The following NSD1 variants were observed in gnomAD, a reference collection of about 807,000 sequenced individuals.
NSD1 encodes the protein nuclear receptor binding SET domain protein 1.
Under a neutral mutation model 242.7 loss-of-function variants are expected in NSD1, and 26 were observed. The observed-to-expected ratio is 0.11, with a 90% CI of 0.08 to 0.15. NSD1 has a LOEUF of 0.15. Among genes scored for constraint, NSD1 ranks in the 10% least tolerant of loss-of-function variants. The pLI is 1.00. For missense variants in NSD1, 2,495 were observed against 3,272.8 expected (o/e 0.76, Z 5.80); for synonymous variants, 1,106 against 1,178.1 (o/e 0.94, Z 1.25).
chr5:177,217,432 G>C (rs1429373698), intron 5 of NSD1, among the ~76,000 whole-genome samples: 1 of 152,090 alleles, frequency 6.6e-6, no homozygotes, highest in East Asian at 1.9e-4. Context: ...TCTGCAAAGA[G>C]ATAATTTGGC....
Position 177,151,805 on chromosome 5 carries a change from C to T in NSD1, c.927+15775C>T, listed in dbSNP as rs529233490. On this transcript the variant is annotated intron_variant, in intron 2 of 22. Coordinates refer to ENST00000439151, the MANE Select transcript of NSD1 (RefSeq NM_022455.5). ...CTCCCAGTCTCAAGCAATACCCCCA[C>T]CTCTGCCCCTTTGAGTAGGCTGGGA... Among the ~76,000 whole-genome samples the T allele has an allele frequency of 2.7e-3, 405 of 152,130 alleles. 2 individuals are homozygous for T. The highest frequency in any genetic ancestry group is 9.8e-3 in the South Asian group (47 of 4,812).
chr5:177,162,249 G>T (rs1278036476), intron 2 of NSD1, among the ~76,000 whole-genome samples: 2 of 151,302 alleles, frequency 1.3e-5, no homozygotes, highest in Non-Finnish European at 2.9e-5. Context: ...AGTGAGCTGA[G>T]ATCAGGACAC....
At chr5:177,280,185 G>A (rs542701257) in intron 17 of NSD1, among the ~76,000 whole-genome samples, 9 of 150,872 alleles carry the variant, frequency 6.0e-5, no homozygotes, top group Non-Finnish European at 1.2e-4. Context: ...CACCGTGTTA[G>A]CCAGGATGGT....
intron 2 of NSD1, among the ~76,000 whole-genome samples, chr5:177,190,335 A>G (rs1761562305): frequency 6.6e-6 from 1 of 152,136 alleles, no homozygotes; most frequent in African/African-American, 2.4e-5. Context: ...GCCGGCGTGC[A>G]GTGGCGCAAT....
At chr5:177,241,604 G>A (rs946969283) in intron 8 of NSD1, among the ~76,000 whole-genome samples, 2 of 151,860 alleles carry the variant, frequency 1.3e-5, no homozygotes, top group Non-Finnish European at 1.5e-5. Context: ...ATAACTCTTC[G>A]TCACGGTTGA....
intron 5 of NSD1, among the ~76,000 whole-genome samples, chr5:177,225,465 A>G (rs1764565351): frequency 6.6e-6 from 1 of 152,118 alleles, no homozygotes. Context: ...TTCTGCTTTC[A>G]GAGTATACTG....
chr5:177,204,005 G>C, intron 3 of NSD1, 115 bp from the exon 4 acceptor site: 1 of 982,674 alleles, frequency 1.0e-6, no homozygotes, highest in Non-Finnish European at 1.6e-6. Flanking sequence ...TAGTTCAGTG[G>C]GCATGTTAGT....
At chr5:177,147,903 T>G (rs1200471579) in intron 2 of NSD1, among the ~76,000 whole-genome samples, 1 of 152,028 alleles carries the variant, frequency 6.6e-6, no homozygotes, top group Admixed American at 6.6e-5. Flanking sequence ...GTTTTTTCCT[T>G]TTTATCACTA....
chr5:177,184,248 A>G (rs918151628), intron 2 of NSD1, among the ~76,000 whole-genome samples: 1 of 152,192 alleles, frequency 6.6e-6, no homozygotes, highest in Non-Finnish European at 1.5e-5. Context: ...TCCTACCAAC[A>G]ACGTATGAGG....
chr5:177,149,592 AAC>A (rs1457344714), intron 2 of NSD1, among the ~76,000 whole-genome samples: 2 of 152,128 alleles, frequency 1.3e-5, no homozygotes, highest in Non-Finnish European at 2.9e-5. Context: ...ATTCCTGGGA[AAC>A]AGTTTTTCCA....
chr5:177,251,790 C>G lies in NSD1; in HGVS notation c.4702C>G (p.Leu1568Val). Residue 1568 changes from leucine (L) to valine (V), a missense_variant, in exon 12 of 23, where the codon CTG becomes GTG. This residue lies in a region of NSD1 where 27 missense variants were observed against 43.1 expected (regional missense o/e 0.63). Coordinates refer to ENST00000439151, the MANE Select transcript of NSD1 (RefSeq NM_022455.5). ...GGCTCAGTGCTGTGGGGCTTTCCAC[C>G]TGGAGTGCCTTGGATTGACTGAGAT... ...CEAQCCGAFH[L>V]ECLGLTEMPR... is the part of the protein sequence containing the mutation. The G allele has an allele frequency of 6.2e-7, 1 of 1,614,056 alleles. No individual in the cohort carries two copies. The highest frequency in any genetic ancestry group is 2.2e-5 in the East Asian group (1 of 44,878).
At chr5:177,216,195 A>C (rs1763758803) in intron 5 of NSD1, among the ~76,000 whole-genome samples, 1 of 152,220 alleles carries the variant, frequency 6.6e-6, no homozygotes, top group Non-Finnish European at 1.5e-5. Context: ...TTATTTTTAA[A>C]AAATGAGGTA....
intron 5 of NSD1, among the ~76,000 whole-genome samples, chr5:177,233,086 C>T (rs1286309885): frequency 6.6e-6 from 1 of 152,062 alleles, no homozygotes; most frequent in African/African-American, 2.4e-5. Flanking sequence ...CTTTTCTTTT[C>T]TTTTTTTGGA....
intron 20 of NSD1, among the ~76,000 whole-genome samples, chr5:177,287,590 C>T (rs1759437992): frequency 6.6e-6 from 1 of 152,134 alleles, no homozygotes; most frequent in Non-Finnish European, 1.5e-5. Flanking sequence ...GAGCCGGGAT[C>T]TCACCACCTT....
At position 177,297,692 on chromosome 5, in the gene NSD1, T is replaced by A; in HGVS notation, c.*2233T>A. The A allele has an allele frequency of 4.3e-6, 1 of 229,900 alleles. No individual in the cohort carries two copies. The highest frequency in any genetic ancestry group is 8.6e-6 in the Non-Finnish European group (1 of 116,144). The allele number at this position is 229,900 out of a possible 1,614,324, so 14.2% of individuals were successfully genotyped here. A position where few individuals can be genotyped will look rare whatever the true frequency, so the allele number is the denominator to read the frequency against. On this transcript the variant is annotated 3_prime_UTR_variant, in exon 23 of 23. Coordinates refer to ENST00000439151, the MANE Select transcript of NSD1 (RefSeq NM_022455.5). ...GCGGGGGGAGGGCGTGCAGGCCATG[T>A]AAAAATTTTCCGTGGAGAAGTTTGA... is the stretch of plus-strand genomic sequence containing the variant.
chr5:177,265,916 G>A, intron 14 of NSD1: 1 of 1,447,760 alleles, frequency 6.9e-7, no homozygotes, highest in Non-Finnish European at 9.7e-7. Flanking sequence ...CACCTTGACG[G>A]TGTAGATGTC....
chr5:177,204,359 CTTAT>C (rs1187930091), intron 4 of NSD1, 67 bp downstream of exon 4: 10 of 1,444,922 alleles, frequency 6.9e-6, no homozygotes, highest in South Asian at 5.8e-5. Flanking sequence ...AAAATGGCCT[CTTAT>C]TTATTTTCGA....
At chr5:177,208,508 GTTTTTCTTTTTCTTTTTTTCTTTTCT>G in intron 4 of NSD1, among the ~76,000 whole-genome samples, 1 of 148,064 alleles carries the variant, frequency 6.8e-6, no homozygotes, top group East Asian at 2.0e-4. Flanking sequence ...TTTTTTCTTG[GTTTTTCTTTTTCTTTTTTTCTTTTCT>G]TTTTTCTTTT....
At chr5:177,195,927 A>G (rs1047381172) in intron 3 of NSD1, among the ~76,000 whole-genome samples, 1 of 152,186 alleles carries the variant, frequency 6.6e-6, no homozygotes, top group African/African-American at 2.4e-5. Flanking sequence ...AGAATCTAGT[A>G]TAAGGGACAA....
Sources: gnomAD v4.1 joint callset for allele counts (sites outside exome capture counted in the v4.1 genomes callset) on GRCh38, gnomAD v4.1.1 for gene constraint, gnomAD v4.1.1 regional missense constraint, MANE v1.5 for transcripts, NCBI Gene and HGNC (gene_info 2026-07-23, HGNC 2026-07-21) for gene names.